The following NDUFAF5 variants were observed in gnomAD, a reference collection of about 807,000 sequenced individuals.
The protein encoded by NDUFAF5 is NADH:ubiquinone oxidoreductase complex assembly factor 5, also known as arginine-hydroxylase NDUFAF5, mitochondrial.
NDUFAF5 carries 34 observed loss-of-function variants against 48.9 expected under a neutral mutation model. That is an observed-to-expected ratio of 0.70 (90% CI 0.53 to 0.93). The LOEUF is 0.93. NDUFAF5 is among the 40% of genes least tolerant of loss of function. NDUFAF5 has a pLI of 0.00. For synonymous variants in NDUFAF5, 153 were observed against 150.6 expected (o/e 1.02, Z -0.12); for missense variants, 428 against 427.5 (o/e 1.00, Z -0.01).
rs1269178342 is a variant in NDUFAF5 at position 13,818,231 on chromosome 20, A to G, written c.*1021A>G. The G allele has an allele frequency of 2.2e-6, 1 of 454,122 alleles. No homozygotes were observed. The highest frequency in any genetic ancestry group is 6.9e-4 in the Middle Eastern group (1 of 1,444). The allele number at this position is 454,122 out of a possible 1,614,324, so 28.1% of individuals were successfully genotyped here. On this transcript the variant is annotated 3_prime_UTR_variant, in exon 11 of 11. Coordinates refer to ENST00000378106, the MANE Select transcript of NDUFAF5 (RefSeq NM_024120.5). ...ACATGGGACTTTCCACATAGTAGAT[A>G]TTCAGTTACATTTTGAACTAATTAT...
chr20:13,808,031 A>G (rs1349197082), intron 7 of NDUFAF5, among the ~76,000 whole-genome samples: 2 of 152,082 alleles, frequency 1.3e-5, no homozygotes, highest in Non-Finnish European at 2.9e-5. Flanking sequence ...AAGTTTTATC[A>G]CATCACAGCT....
Position 13,789,206 on chromosome 20 carries a change from C to T in NDUFAF5, c.327+554C>T, listed in dbSNP as rs192466443. 3.8e-3 allele frequency among the ~76,000 whole-genome samples: 574 copies of T among 152,202 alleles called. 3 individuals carry two copies. The highest frequency in any genetic ancestry group is 0.013 in the African/African-American group (526 of 41,522). ...CTGAGATGGAGTCTCACTCTGTTGCCCAGGCTGGAGTACAGTGGCACGATC... is the reference window on the plus strand; with the variant it reads ...CTGAGATGGAGTCTCACTCTGTTGCTCAGGCTGGAGTACAGTGGCACGATC... On this transcript the variant is annotated intron_variant, in intron 3 of 10. Transcript: ENST00000378106.
At chr20:13,794,800 A>C in intron 4 of NDUFAF5, 38 bp from the exon 5 acceptor site, 1 of 1,206,252 alleles carries the variant, frequency 8.3e-7, no homozygotes, top group Non-Finnish European at 1.2e-6. Flanking sequence ...GAGATTCTAC[A>C]TAAATGTGAT....
Position 13,816,936 on chromosome 20 carries a change from A to C in NDUFAF5, c.924A>C (p.Gly308=). The C allele has an allele frequency of 6.2e-7, 1 of 1,606,472 alleles. No individual in the cohort carries two copies. Among genetic ancestry groups the C allele is most frequent in the Non-Finnish European group, 8.5e-7 (1 of 1,173,038 alleles). ...PATYQIYYMI[G]WKYHESQARP... Reference sequence around the variant, plus strand: ...CATACCAGATCTATTACATGATAGGATGGAAATATCATGAGTCACAGGTAA... The same window carrying C: ...CATACCAGATCTATTACATGATAGGCTGGAAATATCATGAGTCACAGGTAA... Residue 308 remains glycine, a synonymous_variant, in exon 10 of 11, where the codon GGA becomes GGC. Coordinates refer to ENST00000378106, the MANE Select transcript of NDUFAF5 (RefSeq NM_024120.5).
rs971482750 is a variant in NDUFAF5, at chr20:13,816,942, A to G, written c.930A>G (p.Lys310=). ...TYQIYYMIGW[K]YHESQARPAE... ...AGATCTATTACATGATAGGATGGAA[A>G]TATCATGAGTCACAGGTAACGTTAC... Residue 310 remains lysine (K), a synonymous_variant, in exon 10 of 11, where the codon AAA becomes AAG. Coordinates refer to ENST00000378106, the MANE Select transcript of NDUFAF5 (RefSeq NM_024120.5). The G allele has an allele frequency of 6.2e-7, 1 of 1,605,742 alleles. No homozygotes were observed.
At chr20:13,787,223 A>T in intron 1 of NDUFAF5, 89 bp from the exon 2 acceptor site, 1 of 1,408,258 alleles carries the variant, frequency 7.1e-7, no homozygotes, top group Non-Finnish European at 1.0e-6. Flanking sequence ...GGAAGTACTT[A>T]TTTTAAAACA....
At chr20:13,813,259 G>A (rs1461184485) in intron 8 of NDUFAF5, among the ~76,000 whole-genome samples, 2 of 152,164 alleles carry the variant, frequency 1.3e-5, no homozygotes, top group Middle Eastern at 3.2e-3. Flanking sequence ...TAAATAGACC[G>A]TATATTTTCA....
At position 13,817,847 on chromosome 20, in the gene NDUFAF5, C is replaced by T. The variant is rs1568790028; in HGVS notation, c.*637C>T. ...TAAGCTTTCCTTTGTAATTTCAGGG[C>T]TTAAGCACTATTATCCTAATCCAAG... On this transcript the variant is annotated 3_prime_UTR_variant, in exon 11 of 11. Transcript: ENST00000378106. 4.4e-6 allele frequency: 2 copies of T among 454,074 alleles called. No individual in the cohort carries two copies. The highest frequency in any genetic ancestry group is 8.8e-6 in the Non-Finnish European group (2 of 226,790). 28.1% of individuals were successfully genotyped at this position (454,074 alleles called of 1,614,324 possible).
intron 8 of NDUFAF5, 197 bp downstream of exon 8, chr20:13,809,099 A>C (rs1242757338): frequency 5.0e-6 from 3 of 597,174 alleles, no homozygotes; most frequent in African/African-American, 1.9e-5. Context: ...GGAGGCAGGC[A>C]CCAGGCAGCT....
Position 13,820,955 on chromosome 20 carries a change from T to C in NDUFAF5, c.*3745T>C, listed in dbSNP as rs1986946050. 1.3e-5 allele frequency: 2 copies of C among 152,210 alleles called. No homozygotes were observed. Among genetic ancestry groups the C allele is most frequent in the Non-Finnish European group, 2.9e-5 (2 of 68,036 alleles). The allele number at this position is 152,210 out of a possible 1,614,324, so 9.4% of individuals were successfully genotyped here. ...TGATGTGAAATTAATCTTCAGGAAA[T>C]TTATCATAAGCAGACTTGCCTTTTC... On this transcript the variant is annotated 3_prime_UTR_variant, in exon 11 of 11. Coordinates refer to ENST00000378106, the MANE Select transcript of NDUFAF5 (RefSeq NM_024120.5).
intron 10 of NDUFAF5, 56 bp downstream of exon 10, chr20:13,817,013 T>G: frequency 1.3e-6 from 2 of 1,545,630 alleles, no homozygotes; most frequent in Non-Finnish European, 1.8e-6. Flanking sequence ...AGATTATTGT[T>G]TACTAACTTG....
intron 7 of NDUFAF5, among the ~76,000 whole-genome samples, chr20:13,806,447 T>A (rs1985019390): frequency 6.6e-6 from 1 of 152,186 alleles, no homozygotes; most frequent in African/African-American, 2.4e-5. Flanking sequence ...AGGCGGAGGT[T>A]GCAGTGAGCC....
At position 13,785,372 on chromosome 20, in the gene NDUFAF5, A is replaced by G. The variant is rs537731044; in HGVS notation, c.222+82A>G. 4 of 1,244,824 alleles carry G rather than the reference A, an allele frequency of 3.2e-6. No individual in the cohort carries two copies. The African/African-American group carries it at 5.9e-5, about 18-fold the overall frequency. 77.1% of individuals were successfully genotyped at this position (1,244,824 alleles called of 1,614,324 possible). ...CTCCGCTAGTTCCGGCTAGGCCCCG[A>G]GCTCACCCCACCTAGCCGTCTGACC... On this transcript the variant is annotated intron_variant, in intron 1 of 10. Coordinates refer to ENST00000378106, the MANE Select transcript of NDUFAF5 (RefSeq NM_024120.5).
chr20:13,807,202 A>G (rs773524573), intron 7 of NDUFAF5, among the ~76,000 whole-genome samples: 5 of 152,040 alleles, frequency 3.3e-5, no homozygotes, highest in African/African-American at 7.2e-5. Context: ...ACCAACCACC[A>G]TGCCTGGCTA....
At chr20:13,817,081 ATCTATT>A (rs762096278) in intron 10 of NDUFAF5, 31 bp from the exon 11 acceptor site, 1 of 1,590,110 alleles carries the variant, frequency 6.3e-7, no homozygotes, top group Non-Finnish European at 8.6e-7. Context: ...TGTATTATCT[ATCTATT>A]TCTAATATCT....
At chr20:13,811,893 C>T (rs756570160) in intron 8 of NDUFAF5, among the ~76,000 whole-genome samples, 7 of 152,100 alleles carry the variant, frequency 4.6e-5, no homozygotes, top group African/African-American at 9.7e-5. Context: ...CAGAACTACA[C>T]TTACCTAGGG....
At chr20:13,797,798 T>C (rs546478155) in intron 5 of NDUFAF5, among the ~76,000 whole-genome samples, 2 of 152,262 alleles carry the variant, frequency 1.3e-5, no homozygotes, top group South Asian at 2.1e-4. Flanking sequence ...TCTGGAGATA[T>C]TGATAATGGG....
chr20:13,796,452 T>C (rs1983230996), intron 5 of NDUFAF5, among the ~76,000 whole-genome samples: 1 of 152,150 alleles, frequency 6.6e-6, no homozygotes, highest in Non-Finnish European at 1.5e-5. Flanking sequence ...TATGATAGAG[T>C]TTATAGTATG....
intron 7 of NDUFAF5, among the ~76,000 whole-genome samples, chr20:13,807,197 C>T (rs919223665): frequency 2.6e-5 from 4 of 152,192 alleles, no homozygotes; most frequent in African/African-American, 9.6e-5. Context: ...CAGGCACCAA[C>T]CACCATGCCT....
Sources: gnomAD v4.1 joint callset for allele counts (sites outside exome capture counted in the v4.1 genomes callset) on GRCh38, gnomAD v4.1.1 for gene constraint, MANE v1.5 for transcripts, NCBI Gene and HGNC (gene_info 2026-07-23, HGNC 2026-07-21) for gene names.